MARCHF1: variants seen among roughly 807,000 people sequenced by gnomAD.
The protein encoded by MARCHF1 is E3 ubiquitin-protein ligase MARCHF1.
In MARCHF1, 40 loss-of-function variants were observed where a neutral mutation model predicts 54.2. The observed-to-expected ratio is 0.74, with a 90% CI of 0.57 to 0.96. The LOEUF is 0.96. Ranked by LOEUF, MARCHF1 falls within the 40% of genes least tolerant of loss-of-function variation. The pLI is 0.00. For synonymous variants in MARCHF1, 236 were observed against 236.3 expected (o/e 1.00, Z 0.01); for missense variants, 586 against 656.5 (o/e 0.89, Z 1.17).
intron 3 of MARCHF1, among the ~76,000 whole-genome samples, chr4:163,942,464 C>T (rs940610708): frequency 1.3e-5 from 2 of 152,120 alleles, no homozygotes; most frequent in Non-Finnish European, 2.9e-5. Flanking sequence ...CATATGTTAA[C>T]GAGCCAGTGC....
At chr4:163,716,235 AACAAT>A (rs955761691) in intron 4 of MARCHF1, among the ~76,000 whole-genome samples, 45 of 136,252 alleles carry the variant, frequency 3.3e-4, no homozygotes, top group African/African-American at 1.1e-3. Context: ...CAACAACAAC[AACAAT>A]ACAAGTATTC....
intron 8 of MARCHF1, chr4:163,584,459 G>T (rs1228930127): frequency 6.6e-6 from 1 of 152,128 alleles, no homozygotes; most frequent in Non-Finnish European, 1.5e-5. Context: ...TCTGTCCAGC[G>T]GATGAAGCAA....
chr4:163,567,770 G>C (rs1347034873), intron 8 of MARCHF1, among the ~76,000 whole-genome samples: 1 of 152,020 alleles, frequency 6.6e-6, no homozygotes, highest in South Asian at 2.1e-4. Context: ...GCTCAGTCTC[G>C]GGTATGTCTT....
chr4:164,151,432 A>T (rs1438506290), intron 1 of MARCHF1, among the ~76,000 whole-genome samples: 1 of 152,184 alleles, frequency 6.6e-6, no homozygotes, highest in Non-Finnish European at 1.5e-5. Flanking sequence ...GAAATTTTGT[A>T]AACTGAAAGA....
chr4:164,038,087 G>A (rs763774368), intron 2 of MARCHF1, among the ~76,000 whole-genome samples: 5 of 152,144 alleles, frequency 3.3e-5, no homozygotes, highest in Admixed American at 6.5e-5. Flanking sequence ...TATCTTGGTT[G>A]TGATGTGGTA....
rs572887344 is a variant in MARCHF1 at position 163,947,436 on chromosome 4, G to A, written c.-39+41065C>T. Among the ~76,000 whole-genome samples the A allele has an allele frequency of 2.6e-5, 4 of 152,264 alleles. No individual in the cohort carries two copies. In the East Asian group the frequency reaches 7.7e-4, roughly 29 times the overall value. ...GTAATGAAGTTAAAGATCTTGAGAT[G>A]GGGAGATTATTTTGGATTATGCAGG... On this transcript the variant is annotated intron_variant, in intron 3 of 9. Transcript: ENST00000514618.
intron 1 of MARCHF1, among the ~76,000 whole-genome samples, chr4:164,280,552 A>G (rs78438336): frequency 0.02 from 2,983 of 152,196 alleles, 45 homozygotes; most frequent in South Asian, 0.044. Flanking sequence ...ACATAAACCA[A>G]AATAAACTCC....
chr4:163,879,804 C>CGCGTGTGT (rs1553960437), intron 3 of MARCHF1, among the ~76,000 whole-genome samples: 2 of 148,378 alleles, frequency 1.3e-5, no homozygotes, highest in Non-Finnish European at 1.5e-5. Context: ...GATTTAGAGG[C>CGCGTGTGT]GTGTGTGTGT....
At chr4:164,134,328 A>G (rs2110829946) in intron 1 of MARCHF1, among the ~76,000 whole-genome samples, 1 of 152,336 alleles carries the variant, frequency 6.6e-6, no homozygotes, top group African/African-American at 2.4e-5. Flanking sequence ...TCATTATGCT[A>G]AAATGCATTC....
chr4:164,191,188 T>C (rs1731115303), intron 1 of MARCHF1, among the ~76,000 whole-genome samples: 1 of 152,236 alleles, frequency 6.6e-6, no homozygotes, highest in South Asian at 2.1e-4. Context: ...CAAAATTCTT[T>C]ATTAATTAAA....
chr4:164,312,216 A>G (rs1315877847), intron 1 of MARCHF1, among the ~76,000 whole-genome samples: 1 of 152,150 alleles, frequency 6.6e-6, no homozygotes, highest in African/African-American at 2.4e-5. Context: ...GCTTCATGAC[A>G]ATGAATAGGT....
At chr4:164,014,474 A>G (rs1382664478) in intron 2 of MARCHF1, among the ~76,000 whole-genome samples, 1 of 152,142 alleles carries the variant, frequency 6.6e-6, no homozygotes, top group Non-Finnish European at 1.5e-5. Flanking sequence ...AGAAGACAGG[A>G]AGGAAGGAAG....
At chr4:164,324,458 GA>G (rs1735221277) in intron 1 of MARCHF1, among the ~76,000 whole-genome samples, 1 of 151,348 alleles carries the variant, frequency 6.6e-6, no homozygotes, top group African/African-American at 2.4e-5. Context: ...TATAAATCAC[GA>G]AAAAGAATAT....
chr4:164,168,179 C>T (rs906782313), intron 1 of MARCHF1, among the ~76,000 whole-genome samples: 1 of 151,164 alleles, frequency 6.6e-6, no homozygotes, highest in Non-Finnish European at 1.5e-5. Context: ...ATGTACTGAA[C>T]GTGACTAATA....
At chr4:163,851,488 G>A (rs757916584) in intron 4 of MARCHF1, among the ~76,000 whole-genome samples, 4 of 152,164 alleles carry the variant, frequency 2.6e-5, no homozygotes, top group African/African-American at 7.2e-5. Flanking sequence ...TTTGTTCATG[G>A]GTGATTCATT....
At chr4:163,560,922 T>G (rs1457948709) in intron 8 of MARCHF1, among the ~76,000 whole-genome samples, 2 of 152,176 alleles carry the variant, frequency 1.3e-5, no homozygotes, top group Non-Finnish European at 2.9e-5. Flanking sequence ...TTTTGGTAGA[T>G]TCCATCATAT....
chr4:163,647,203 AG>A (rs1224951395), intron 5 of MARCHF1, among the ~76,000 whole-genome samples: 1 of 152,112 alleles, frequency 6.6e-6, no homozygotes, highest in Non-Finnish European at 1.5e-5. Flanking sequence ...ATTCATCAAA[AG>A]CATATTACAC....
chr4:163,594,767 C>T (rs1275414065), intron 7 of MARCHF1, among the ~76,000 whole-genome samples: 7 of 151,020 alleles, frequency 4.6e-5, no homozygotes, highest in East Asian at 1.9e-4. Flanking sequence ...CAAACACACA[C>T]ACACACACAC....
At chr4:163,862,035 C>T (rs1439619813) in intron 3 of MARCHF1, among the ~76,000 whole-genome samples, 1 of 152,004 alleles carries the variant, frequency 6.6e-6, no homozygotes, top group Non-Finnish European at 1.5e-5. Flanking sequence ...TGACTCAACA[C>T]AGATCTTATA....
Sources: allele counts gnomAD v4.1 joint callset (sites outside exome capture counted in the v4.1 genomes callset), GRCh38; gene constraint gnomAD v4.1.1; transcripts MANE v1.5; gene names NCBI Gene and HGNC (gene_info 2026-07-23, HGNC 2026-07-21).